The following SRSF9 variants were observed in gnomAD, a reference collection of about 807,000 sequenced individuals.
The protein encoded by SRSF9 is serine and arginine rich splicing factor 9.
Under a neutral mutation model 25.9 loss-of-function variants are expected in SRSF9, and 3 were observed. The ratio of observed to expected loss-of-function variants is 0.12; its 90% CI spans 0.05 to 0.30. The LOEUF (loss-of-function observed/expected upper bound fraction) is 0.30. SRSF9 is among the 10% of genes least tolerant of loss of function. The probability of loss-of-function intolerance (pLI) is 1.00; values close to 1 mark genes in which losing one functional copy is unlikely to be tolerated. For missense variants in SRSF9, 161 were observed against 303.5 expected, an observed-to-expected ratio of 0.53 and a Z score of 3.49; for synonymous variants, 114 against 113.2, an observed-to-expected ratio of 1.01 and a Z score of -0.05.
At chr12:120,468,419 G>A (rs901719686) in intron 1 of SRSF9, among the ~76,000 whole-genome samples, 2 of 152,170 alleles carry the variant, frequency 1.3e-5, no homozygotes, top group African/African-American at 2.4e-5. Flanking sequence ...GCCCAGTTCC[G>A]GTTTTGAGGC....
Position 120,461,948 on chromosome 12 carries a change from G to A in SRSF9, c.*71C>T, listed in dbSNP as rs1221531797. 7.9e-6 allele frequency: 11 copies of A among 1,395,620 alleles called. No homozygotes were observed. The highest frequency in any genetic ancestry group is 9.5e-6 in the Non-Finnish European group (10 of 1,057,752). 86.5% of individuals were successfully genotyped at this position (1,395,620 alleles called of 1,614,324 possible). On this transcript the variant is annotated 3_prime_UTR_variant, in exon 4 of 4. Transcript: ENST00000229390. ...TCCTAAGACACTAAATCCTCAATCT[G>A]GAATGTAGATTCTGAGCACAAAGCA...
Position 120,468,481 on chromosome 12 carries a change from A to C in SRSF9, c.188+941T>G, listed in dbSNP as rs185613198. On this transcript the variant is annotated intron_variant, in intron 1 of 3. Coordinates refer to ENST00000229390, the MANE Select transcript of SRSF9 (RefSeq NM_003769.3). Reference sequence around the variant, plus strand: ...GTCAGAGTCGACTCTTCAGCCATCAACGCCTCGCGGTGCTTCCTGCCTGCC... The same window carrying C: ...GTCAGAGTCGACTCTTCAGCCATCACCGCCTCGCGGTGCTTCCTGCCTGCC... Among the ~76,000 whole-genome samples the C allele has an allele frequency of 3.6e-3, 542 of 152,320 alleles. 4 individuals are homozygous for C. The highest frequency in any genetic ancestry group is 0.012 in the African/African-American group (512 of 41,564).
chr12:120,468,114 T>G (rs537403000), intron 1 of SRSF9, among the ~76,000 whole-genome samples: 6 of 134,558 alleles, frequency 4.5e-5, no homozygotes, highest in African/African-American at 1.1e-4. Context: ...AAAAAAATAG[T>G]ACCTACACCT....
At chr12:120,465,499 C>A (rs1227895447) in intron 2 of SRSF9, 128 bp downstream of exon 2, 4 of 1,055,298 alleles carry the variant, frequency 3.8e-6, no homozygotes, top group East Asian at 3.2e-5. Flanking sequence ...CAAGGCTTCA[C>A]ACAGGCTATT....
intron 1 of SRSF9, among the ~76,000 whole-genome samples, chr12:120,469,066 T>A (rs1267201935): frequency 6.6e-6 from 1 of 152,022 alleles, no homozygotes; most frequent in East Asian, 1.9e-4. Context: ...ACCCCCGCGC[T>A]GCCCCGCGGC....
chr12:120,462,250 A>C (rs1206064854), intron 3 of SRSF9, 88 bp from the exon 4 acceptor site: 22 of 1,416,496 alleles, frequency 1.6e-5, no homozygotes, highest in Non-Finnish European at 1.9e-5. Flanking sequence ...AATAATAGTT[A>C]AGTATTGAGC....
At chr12:120,462,208 G>A (rs775961158) in intron 3 of SRSF9, 46 bp from the exon 4 acceptor site, 2 of 1,560,080 alleles carry the variant, frequency 1.3e-6, no homozygotes, top group South Asian at 1.2e-5. Context: ...AAAAAAATCA[G>A]AGCCAGAAGA....
intron 1 of SRSF9, among the ~76,000 whole-genome samples, chr12:120,467,700 C>A (rs1878511946): frequency 2.0e-5 from 3 of 151,842 alleles, no homozygotes; most frequent in African/African-American, 4.8e-5. Flanking sequence ...TCTAGTGACA[C>A]CAAAAGATAG....
chr12:120,468,559 G>A (rs34815312), intron 1 of SRSF9, among the ~76,000 whole-genome samples: 17,040 of 152,148 alleles, frequency 0.11, 1,260 homozygotes, highest in Middle Eastern at 0.19. Context: ...AGGTAGGTCG[G>A]ACACCCTACG....
chr12:120,467,881 G>A (rs1399458712), intron 1 of SRSF9, among the ~76,000 whole-genome samples: 1 of 145,814 alleles, frequency 6.9e-6, no homozygotes, highest in East Asian at 2.1e-4. Context: ...GATCACTTGA[G>A]GTTAGGAGTT....
At chr12:120,464,480 A>C in intron 2 of SRSF9, 1 of 169,744 alleles carries the variant, frequency 5.9e-6, no homozygotes, top group Non-Finnish European at 1.3e-5. Context: ...CCATTATGAA[A>C]TTTAACAGTA....
rs1475023990 is a variant in SRSF9, at chr12:120,465,735, G to T, written c.241C>A (p.Arg81=). The change falls in exon 2 of 4, where the codon CGG becomes AGG. Residue 81 remains arginine, a synonymous_variant. Coordinates refer to ENST00000229390, the MANE Select transcript of SRSF9 (RefSeq NM_003769.3). Reference sequence around the variant, plus strand: ...GTCCTGGGGAACTCCACACGAAGCCGACACTGGCCATAATCATAACCATTT... The same window carrying T: ...GTCCTGGGGAACTCCACACGAAGCCTACACTGGCCATAATCATAACCATTT... ...GRNGYDYGQC[R]LRVEFPRTYG... is the part of the protein sequence containing the mutation. The T allele has an allele frequency of 6.2e-6, 10 of 1,603,682 alleles. No homozygotes were observed. The South Asian group carries it at 1.0e-4, about 16-fold the overall frequency.
chr12:120,464,360 A>G (rs1878435449), intron 2 of SRSF9: 1 of 413,476 alleles, frequency 2.4e-6, no homozygotes. Flanking sequence ...TTTTCAACAG[A>G]GCAAGAAGTC....
At chr12:120,464,979 T>A (rs1224853358) in intron 2 of SRSF9, 5 of 152,202 alleles carry the variant, frequency 3.3e-5, no homozygotes, top group African/African-American at 1.2e-4. Context: ...ATGCTGTGAT[T>A]GTGTGACATT....
chr12:120,462,498 G>T, intron 3 of SRSF9: 1 of 193,644 alleles, frequency 5.2e-6, no homozygotes, highest in Non-Finnish European at 1.1e-5. Context: ...AACTGGAAAG[G>T]ATCTCAGGGG....
Position 120,469,634 on chromosome 12 carries a change from C to T in SRSF9, c.-25G>A, listed in dbSNP as rs1456139374. 1.5e-6 allele frequency: 2 copies of T among 1,300,560 alleles called. No individual in the cohort carries two copies. Among genetic ancestry groups the T allele is most frequent in the Admixed American group, 4.2e-5 (1 of 23,982 alleles). The allele number at this position is 1,300,560 out of a possible 1,614,324, so 80.6% of individuals were successfully genotyped here. ...TCCGCACCGCCCGACGCCGCGGGCC[C>T]GCCGCAGCCCACGTCGCCGCCGCCG... On this transcript the variant is annotated 5_prime_UTR_variant, in exon 1 of 4. Coordinates refer to ENST00000229390, the MANE Select transcript of SRSF9 (RefSeq NM_003769.3).
At position 120,461,790 on chromosome 12, in the gene SRSF9, G is replaced by T. The variant is rs1048163653; in HGVS notation, c.*229C>A. On this transcript the variant is annotated 3_prime_UTR_variant, in exon 4 of 4. Transcript: ENST00000229390. Reference sequence around the variant, plus strand: ...AACTGATTTTTTTCCCATAATCAGGGGTGAAAAATATACAACTTGTTTCTG... The same window carrying T: ...AACTGATTTTTTTCCCATAATCAGGTGTGAAAAATATACAACTTGTTTCTG... 1.0e-5 allele frequency: 4 copies of T among 397,042 alleles called. No homozygotes were observed. In the South Asian group the frequency reaches 2.0e-4, roughly 20 times the overall value. 24.6% of individuals were successfully genotyped at this position (397,042 alleles called of 1,614,324 possible). A position where few individuals can be genotyped will look rare whatever the true frequency, so the allele number is the denominator to read the frequency against.
chr12:120,461,925 C>A lies in SRSF9; in HGVS notation c.*94G>T. ...AAAAAAAAAAAATTAAAAAAATTTC[C>A]TAAGACACTAAATCCTCAATCTGGA... On this transcript the variant is annotated 3_prime_UTR_variant, in exon 4 of 4. Transcript: ENST00000229390. 7.8e-7 allele frequency: 1 copy of A among 1,277,652 alleles called. No individual in the cohort carries two copies. Among genetic ancestry groups the A allele is most frequent in the South Asian group, 2.5e-5 (1 of 40,032 alleles). The allele number at this position is 1,277,652 out of a possible 1,614,324, so 79.1% of individuals were successfully genotyped here. A position where few individuals can be genotyped will look rare whatever the true frequency, so the allele number is the denominator to read the frequency against.
At position 120,469,541 on chromosome 12, in the gene SRSF9, G is replaced by A. The variant is rs1420710454; in HGVS notation, c.69C>T (p.Thr23=). 7 of 1,586,872 alleles carry A rather than the reference G, an allele frequency of 4.4e-6. 1 individual carries two copies. Among genetic ancestry groups the A allele is most frequent in the African/African-American group, 1.4e-5 (1 of 71,986 alleles). Residue 23 remains threonine, a synonymous_variant, in exon 1 of 4, where the codon ACC becomes ACT. Transcript: ENST00000229390. ...CCTCCAAGTCCTTCTCGCGCACGTCGGTCGGAAGGTTCCCCACGTAGATGC... is the reference window on the plus strand; with the variant it reads ...CCTCCAAGTCCTTCTCGCGCACGTCAGTCGGAAGGTTCCCCACGTAGATGC... The part of the protein sequence containing the change: ...DGRIYVGNLP[T]DVREKDLEDL...
Sources: gnomAD v4.1 joint callset for allele counts (sites outside exome capture counted in the v4.1 genomes callset) on GRCh38, gnomAD v4.1.1 for gene constraint, MANE v1.5 for transcripts, NCBI Gene and HGNC (gene_info 2026-07-23, HGNC 2026-07-21) for gene names.